The following PLBD2 variants were observed in gnomAD, a reference collection of about 807,000 sequenced individuals.
PLBD2 encodes the protein phospholipase B domain containing 2, also known as putative aminopeptidase PLBD2.
Under a neutral mutation model 68.3 loss-of-function variants are expected in PLBD2, and 51 were observed. That is an observed-to-expected ratio of 0.75 (90% confidence interval 0.60 to 0.94). The LOEUF is 0.94. Ranked by LOEUF, PLBD2 falls within the 40% of genes least tolerant of loss-of-function variation. The pLI, the probability that PLBD2 is intolerant of heterozygous loss-of-function variation, is 0.00. For missense variants in PLBD2, 729 were observed against 792.2 expected (o/e 0.92, Z 0.96); for synonymous variants, 314 against 339.3 (o/e 0.93, Z 0.82).
In PLBD2 at chr12:113,358,738, G is replaced by T; in HGVS notation, c.138G>T (p.Gly46=). ...SGLAGAIPAP[G]GRWARDGQVP... is the part of the protein sequence containing the mutation. ...TGGCGGGGGCGATCCCAGCGCCGGG[G>T]GGCCGCTGGGCGCGCGATGGGCAGG... is the stretch of plus-strand genomic sequence containing the variant. Residue 46 remains glycine, a synonymous_variant, in exon 1 of 12, where the codon GGG becomes GGT. Coordinates refer to ENST00000280800, the MANE Select transcript of PLBD2 (RefSeq NM_173542.4). 1 of 1,392,006 alleles carries T rather than the reference G, an allele frequency of 7.2e-7. No individual in the cohort carries two copies. The highest frequency in any genetic ancestry group is 9.3e-7 in the Non-Finnish European group (1 of 1,078,686). The allele number at this position is 1,392,006 out of a possible 1,614,324, so 86.2% of individuals were successfully genotyped here.
intron 1 of PLBD2, chr12:113,359,199 C>A: frequency 2.8e-6 from 1 of 361,034 alleles, no homozygotes; most frequent in East Asian, 5.4e-5. Context: ...AGGTCCATGG[C>A]TGGTGGGTAA....
intron 1 of PLBD2, among the ~76,000 whole-genome samples, chr12:113,366,238 G>T (rs1425552334): frequency 6.6e-6 from 1 of 152,028 alleles, no homozygotes; most frequent in Non-Finnish European, 1.5e-5. Context: ...TCCCTGTCTT[G>T]TACCCTCTTC....
At chr12:113,377,940 A>T (rs541472590) in intron 5 of PLBD2, among the ~76,000 whole-genome samples, 1 of 152,254 alleles carries the variant, frequency 6.6e-6, no homozygotes, top group East Asian at 1.9e-4. Flanking sequence ...TCACTTGAAC[A>T]CTCCACAACC....
chr12:113,377,225 G>A (rs1256060174), intron 5 of PLBD2: 1 of 152,140 alleles, frequency 6.6e-6, no homozygotes, highest in Non-Finnish European at 1.5e-5. Context: ...TGAAATTTAA[G>A]TAAACTCTAA....
chr12:113,369,068 A>T (rs375908467), intron 1 of PLBD2, 48 bp from the exon 2 acceptor site: 3 of 1,351,474 alleles, frequency 2.2e-6, no homozygotes, highest in Non-Finnish European at 3.1e-6. Context: ...CCATGTGTCT[A>T]GCTGGGGGCC....
Position 113,385,232 on chromosome 12 carries a change from A to T in PLBD2, c.1235A>T (p.Asp412Val), listed in dbSNP as rs775975416. ...CTCAGCGGCATGGTGGTGGTGGCTG[A>T]CAAGACCTCGGAGCTCTACCAGAAG... ...EQIPGMVVVADKTSELYQKTY... is the reference protein window; with the variant it reads ...EQIPGMVVVAVKTSELYQKTY... Residue 412 changes from aspartate to valine, a missense_variant, in exon 9 of 12, where the codon GAC becomes GTC. Transcript: ENST00000280800. 8.1e-6 allele frequency: 13 copies of T among 1,614,022 alleles called. No homozygotes were observed. Among genetic ancestry groups the T allele is most frequent in the Non-Finnish European group, 1.0e-5 (12 of 1,180,002 alleles).
chr12:113,380,663 G>A (rs905829652), intron 5 of PLBD2, 82 bp from the exon 6 acceptor site: 9 of 1,133,502 alleles, frequency 7.9e-6, no homozygotes, highest in Non-Finnish European at 1.2e-5. Flanking sequence ...GTGCCCCTGT[G>A]CCTGTGTCTT....
intron 5 of PLBD2, chr12:113,377,204 T>C (rs1260178878): frequency 6.6e-6 from 1 of 152,244 alleles, no homozygotes; most frequent in Non-Finnish European, 1.5e-5. Flanking sequence ...GACAACCTAA[T>C]GTCCATTCAT....
chr12:113,385,158 C>T, intron 8 of PLBD2, 54 bp from the exon 9 acceptor site: 1 of 1,584,768 alleles, frequency 6.3e-7, no homozygotes, highest in Non-Finnish European at 8.7e-7. Flanking sequence ...AGGGCAGTGC[C>T]CACAGGAGCC....
At chr12:113,358,914 C>A in intron 1 of PLBD2, 24 bp downstream of exon 1, 1 of 1,492,244 alleles carries the variant, frequency 6.7e-7, no homozygotes, top group Non-Finnish European at 8.9e-7. Context: ...TATCCCCACG[C>A]GGGGCCATCG....
At chr12:113,386,846 TCCTG>T (rs1011441263) in intron 9 of PLBD2, 87 bp from the exon 10 acceptor site, 31 of 1,471,132 alleles carry the variant, frequency 2.1e-5, no homozygotes, top group Non-Finnish European at 2.7e-5. Flanking sequence ...AGTAATAATG[TCCTG>T]GTGTGACTGC....
At chr12:113,375,604 T>C (rs1319956281) in intron 5 of PLBD2, among the ~76,000 whole-genome samples, 3 of 152,256 alleles carry the variant, frequency 2.0e-5, no homozygotes, top group Non-Finnish European at 4.4e-5. Context: ...TTTGGTTTTC[T>C]GGGCTGGGCC....
rs923962262 is a variant in PLBD2, at chr12:113,384,266, G to A, written c.1118+1G>A. 1.6e-5 allele frequency: 26 copies of A among 1,607,748 alleles called. No homozygotes were observed. Among genetic ancestry groups the A allele is most frequent in the South Asian group, 8.9e-5 (8 of 90,254 alleles). ...TCTTCAAGAGGTTCAACAGCGGCAC[G>A]TGAGTGGGCTTCTGGCCCTGTGGCT... On this transcript the variant is annotated splice_donor_variant, in intron 7 of 11. Coordinates refer to ENST00000280800, the MANE Select transcript of PLBD2 (RefSeq NM_173542.4). LOFTEE classifies it high-confidence loss of function. This position sits in a 1 kb window ranked among gnomAD's most constrained non-coding sequence, Gnocchi z 4.2.
intron 1 of PLBD2, among the ~76,000 whole-genome samples, chr12:113,359,879 C>T (rs1957274602): frequency 6.6e-6 from 1 of 152,186 alleles, no homozygotes; most frequent in Non-Finnish European, 1.5e-5. Flanking sequence ...CTGGATCAGG[C>T]TGTGCTGGGG....
intron 6 of PLBD2, among the ~76,000 whole-genome samples, chr12:113,382,944 T>C (rs1374857159): frequency 6.9e-6 from 1 of 145,518 alleles, no homozygotes; most frequent in East Asian, 2.2e-4. Flanking sequence ...CGATCTCAGC[T>C]CACTGCAACC....
chr12:113,370,032 T>G (rs941541964), intron 2 of PLBD2, among the ~76,000 whole-genome samples: 1 of 152,054 alleles, frequency 6.6e-6, no homozygotes, highest in Non-Finnish European at 1.5e-5. Context: ...TCCGACTAGC[T>G]GGGATTACAG....
chr12:113,385,733 T>C (rs1387523055), intron 9 of PLBD2, among the ~76,000 whole-genome samples: 4 of 152,252 alleles, frequency 2.6e-5, no homozygotes, highest in Admixed American at 6.5e-5. Flanking sequence ...TGTTGGCGAA[T>C]GGTGAAGGCA....
chr12:113,368,231 CCTGCCCCTGCCAACT>C (rs1957358580), intron 1 of PLBD2, among the ~76,000 whole-genome samples: 1 of 152,186 alleles, frequency 6.6e-6, no homozygotes. Flanking sequence ...GGAAGTGAAT[CCTGCCCCTGCCAACT>C]CTGTGACCTT....
intron 5 of PLBD2, among the ~76,000 whole-genome samples, chr12:113,380,118 T>G (rs956022532): frequency 2.0e-5 from 3 of 152,106 alleles, no homozygotes; most frequent in Non-Finnish European, 4.4e-5. Context: ...TATCTTTTAG[T>G]GTTATTTCTT....
Sources: gnomAD v4.1 joint callset for allele counts (sites outside exome capture counted in the v4.1 genomes callset) on GRCh38, gnomAD v4.1.1 for gene constraint, Gnocchi (gnomAD v3.1) non-coding constraint, MANE v1.5 for transcripts, NCBI Gene and HGNC (gene_info 2026-07-23, HGNC 2026-07-21) for gene names.